ESRRG: variants seen among roughly 807,000 people sequenced by gnomAD.
ESRRG encodes estrogen-related receptor gamma.
A neutral mutation model predicts 44.0 loss-of-function variants in ESRRG; 13 were observed. The ratio of observed to expected loss-of-function variants is 0.30; its 90% CI spans 0.19 to 0.47. The LOEUF (loss-of-function observed/expected upper bound fraction) is 0.47. Among genes scored for constraint, ESRRG ranks in the 20% least tolerant of loss-of-function variants. The pLI, the probability that ESRRG is intolerant of heterozygous loss-of-function variation, is 1.00. For missense variants in ESRRG, 395 were observed against 580.6 expected (o/e 0.68, Z 3.29); for synonymous variants, 215 against 214.6 (o/e 1.00, Z -0.02).
chr1:216,561,919 C>T (rs567803208), intron 5 of ESRRG, among the ~76,000 whole-genome samples: 4 of 152,226 alleles, frequency 2.6e-5, no homozygotes, highest in African/African-American at 7.2e-5. Context: ...AACCCATAAT[C>T]GTATAGTAAT....
chr1:216,640,803 T>C (rs2150894036), intron 3 of ESRRG, among the ~76,000 whole-genome samples: 2 of 152,248 alleles, frequency 1.3e-5, no homozygotes, highest in South Asian at 4.1e-4. Flanking sequence ...AATGTCACAT[T>C]GATATACGTA....
intron 3 of ESRRG, among the ~76,000 whole-genome samples, chr1:216,616,832 A>G (rs2061486493): frequency 6.6e-6 from 1 of 152,198 alleles, no homozygotes; most frequent in African/African-American, 2.4e-5. Context: ...GTAGGGTGGC[A>G]GAAATATTAT....
intron 3 of ESRRG, among the ~76,000 whole-genome samples, chr1:216,568,464 T>C (rs948054552): frequency 3.3e-5 from 5 of 152,170 alleles, no homozygotes; most frequent in Non-Finnish European, 5.9e-5. Context: ...CAGTCAGCCC[T>C]GAAAGCTCAA....
At chr1:216,989,782 C>T (rs2075407731) in intron 1 of ESRRG, among the ~76,000 whole-genome samples, 1 of 152,096 alleles carries the variant, frequency 6.6e-6, no homozygotes, top group Non-Finnish European at 1.5e-5. Context: ...CTACCTATGG[C>T]TTAGCAATAG....
Position 216,883,527 on chromosome 1 carries a change from C to T in ESRRG, c.-14+56055G>A, listed in dbSNP as rs1559977962. ...TGGAATCCGAGAGATTCTATTGCTT[C>T]GATGGGGCCATAAAGCTTAAGCTTA... On this transcript the variant is annotated intron_variant, in intron 2 of 7. Coordinates refer to the ESRRG transcript ENST00000359162. Among the ~76,000 whole-genome samples, 5 of 151,876 alleles carry T rather than the reference C, an allele frequency of 3.3e-5. No individual in the cohort carries two copies. The South Asian group carries it at 6.3e-4, about 19-fold the overall frequency.
chr1:216,942,395 G>T (rs934604208), intron 1 of ESRRG, among the ~76,000 whole-genome samples: 1 of 152,064 alleles, frequency 6.6e-6, no homozygotes, highest in African/African-American at 2.4e-5. Flanking sequence ...GTGTCTTTTT[G>T]GCAGAATAAT....
At chr1:216,605,685 ATATTATGTATAGATCTGCCATC>A (rs780023005) in intron 3 of ESRRG, among the ~76,000 whole-genome samples, 40 of 149,272 alleles carry the variant, frequency 2.7e-4, no homozygotes, top group Non-Finnish European at 5.8e-4. Flanking sequence ...GACATTTGCT[ATATTATGTATAGATCTGCCATC>A]TAGTTCATTA....
At chr1:216,605,065 A>AAC (rs1197647130) in intron 3 of ESRRG, among the ~76,000 whole-genome samples, 1 of 152,224 alleles carries the variant, frequency 6.6e-6, no homozygotes, top group Non-Finnish European at 1.5e-5. Flanking sequence ...ACTGTAAAGA[A>AAC]ACACACAGTG....
At chr1:216,687,223 G>A (rs543736823) in intron 1 of ESRRG, among the ~76,000 whole-genome samples, 2 of 152,230 alleles carry the variant, frequency 1.3e-5, no homozygotes, top group South Asian at 2.1e-4. Context: ...TGGGGAATGG[G>A]ACTCTTGGTT....
At chr1:217,086,139 A>C (rs890147341) in intron 1 of ESRRG, among the ~76,000 whole-genome samples, 2 of 152,162 alleles carry the variant, frequency 1.3e-5, no homozygotes, top group Non-Finnish European at 2.9e-5. Flanking sequence ...TTCATGGAAA[A>C]ATTTTCAGTT....
chr1:216,838,244 T>A (rs1007150481), intron 2 of ESRRG, among the ~76,000 whole-genome samples: 1 of 152,168 alleles, frequency 6.6e-6, no homozygotes, highest in Admixed American at 6.5e-5. Context: ...ATTCTCAATA[T>A]CAAGTAAAAA....
intron 2 of ESRRG, among the ~76,000 whole-genome samples, chr1:216,808,152 G>C (rs2094857077): frequency 6.6e-6 from 1 of 152,084 alleles, no homozygotes; most frequent in South Asian, 2.1e-4. Context: ...CTCTTTGATG[G>C]AATTTGGAGA....
rs1169058300 is a variant in ESRRG, at chr1:216,752,568, T to A, written c.-13-75077A>T. ...GCAGTTCAGAACACACTGCTAGAGG[T>A]CCTATTCTCTTCAGAAAGAACTTCT... On this transcript the variant is annotated intron_variant, in intron 2 of 7. Transcript: ENST00000359162. 3.3e-5 allele frequency among the ~76,000 whole-genome samples: 5 copies of A among 152,108 alleles called. No individual in the cohort carries two copies. The East Asian group carries it at 9.6e-4, about 29-fold the overall frequency.
At chr1:216,511,359 G>A (rs2042661547) in intron 6 of ESRRG, among the ~76,000 whole-genome samples, 1 of 152,036 alleles carries the variant, frequency 6.6e-6, no homozygotes, top group Non-Finnish European at 1.5e-5. Flanking sequence ...AGGAACACTG[G>A]TTGATTGCCA....
At chr1:216,994,414 C>T (rs145958813) in intron 1 of ESRRG, among the ~76,000 whole-genome samples, 177 of 152,230 alleles carry the variant, frequency 1.2e-3, no homozygotes, top group African/African-American at 4.1e-3. Flanking sequence ...TCTGCACAAA[C>T]ACACACACGG....
chr1:216,923,656 G>A (rs1170961193), intron 2 of ESRRG, among the ~76,000 whole-genome samples: 1 of 152,202 alleles, frequency 6.6e-6, no homozygotes, highest in Non-Finnish European at 1.5e-5. Flanking sequence ...AACAGTGGCA[G>A]CAGGTTTTAA....
chr1:217,136,099 T>C (rs1412693591), intron 1 of ESRRG, among the ~76,000 whole-genome samples: 2 of 152,340 alleles, frequency 1.3e-5, no homozygotes, highest in African/African-American at 4.8e-5. Context: ...CTACCTTTGC[T>C]ACCCTTCTCC....
intron 3 of ESRRG, among the ~76,000 whole-genome samples, chr1:216,635,919 G>T (rs2065206105): frequency 6.6e-6 from 1 of 152,160 alleles, no homozygotes; most frequent in African/African-American, 2.4e-5. Flanking sequence ...AGCTATGCAA[G>T]GTCCTAAACA....
intron 1 of ESRRG, among the ~76,000 whole-genome samples, chr1:216,992,938 A>G (rs1310246223): frequency 6.6e-6 from 1 of 152,220 alleles, no homozygotes; most frequent in Non-Finnish European, 1.5e-5. Flanking sequence ...TATAATCACC[A>G]TCTAAAATAT....
Sources: allele counts gnomAD v4.1 joint callset (sites outside exome capture counted in the v4.1 genomes callset), GRCh38; gene constraint gnomAD v4.1.1; transcripts MANE v1.5; gene names NCBI Gene and HGNC (gene_info 2026-07-23, HGNC 2026-07-21).